PKIG: variants seen among roughly 807,000 people sequenced by gnomAD.
PKIG encodes the protein cAMP-dependent protein kinase inhibitor gamma, also known as protein kinase (cAMP-dependent, catalytic) inhibitor gamma.
A neutral mutation model predicts 6.8 loss-of-function variants in PKIG; 1 was observed. The observed-to-expected ratio is 0.15, with a 90% CI of 0.05 to 0.69. PKIG has a LOEUF of 0.69. PKIG is among the 30% of genes least tolerant of loss of function. PKIG has a pLI of 0.82. For missense variants in PKIG, 77 were observed against 104.0 expected (o/e 0.74, Z 1.13); for synonymous variants, 39 against 43.0 (o/e 0.91, Z 0.36).
At chr20:44,551,047 A>G (rs1205694522) in intron 1 of PKIG, among the ~76,000 whole-genome samples, 1 of 152,136 alleles carries the variant, frequency 6.6e-6, no homozygotes, top group African/African-American at 2.4e-5. Flanking sequence ...CTCCTTAAAT[A>G]CAAAACAAAG....
chr20:44,546,046 G>A lies in PKIG; in HGVS notation c.-241+14068G>A, dbSNP rs114307231. Among the ~76,000 whole-genome samples, 1,018 of 152,142 alleles carry A rather than the reference G, an allele frequency of 6.7e-3. 13 individuals carry two copies. Among genetic ancestry groups the A allele is most frequent in the East Asian group, 0.028 (144 of 5,170 alleles). ...GTGGATTACTTGAGTCCAGGAGTTC[G>A]AGACACAAGCCTGGGAAATACAGCA... On this transcript the variant is annotated intron_variant, in intron 1 of 4. Transcript: ENST00000372887.
At chr20:44,545,719 G>A (rs1213892705) in intron 1 of PKIG, among the ~76,000 whole-genome samples, 1 of 152,112 alleles carries the variant, frequency 6.6e-6, no homozygotes, top group Non-Finnish European at 1.5e-5. Context: ...GGAGGCTGAA[G>A]TGGGAGGATC....
At chr20:44,532,197 C>T (rs1174377606) in intron 1 of PKIG, among the ~76,000 whole-genome samples, 1 of 152,182 alleles carries the variant, frequency 6.6e-6, no homozygotes, top group Non-Finnish European at 1.5e-5. Context: ...ATATTTGTAG[C>T]CATTGGTCGA....
chr20:44,607,746 A>G (rs1214014475), intron 2 of PKIG, among the ~76,000 whole-genome samples: 1 of 144,244 alleles, frequency 6.9e-6, no homozygotes, highest in Non-Finnish European at 1.5e-5. Context: ...GTGCAGTGGC[A>G]CGATCTCGGC....
At chr20:44,609,404 G>A (rs971870159) in intron 2 of PKIG, among the ~76,000 whole-genome samples, 1 of 152,186 alleles carries the variant, frequency 6.6e-6, no homozygotes, top group Admixed American at 6.5e-5. Context: ...CAGGTCCTAG[G>A]ACAAGAACAC....
chr20:44,555,320 G>A (rs982244743), intron 1 of PKIG, among the ~76,000 whole-genome samples: 1 of 152,162 alleles, frequency 6.6e-6, no homozygotes, highest in Non-Finnish European at 1.5e-5. Flanking sequence ...GCTTAACAGT[G>A]TACTGTCAAA....
chr20:44,533,176 G>A (rs181949732), intron 1 of PKIG, among the ~76,000 whole-genome samples: 2 of 152,206 alleles, frequency 1.3e-5, no homozygotes, highest in Non-Finnish European at 2.9e-5. Context: ...ATATATATGT[G>A]TGTGTGTGAC....
chr20:44,534,140 A>G (rs763925448), intron 1 of PKIG, among the ~76,000 whole-genome samples: 4 of 152,164 alleles, frequency 2.6e-5, no homozygotes, highest in Admixed American at 2.0e-4. Context: ...TTTTTTGAGC[A>G]TGAGAGAGAT....
intron 1 of PKIG, among the ~76,000 whole-genome samples, chr20:44,569,293 AATTTAT>A (rs2064835190): frequency 6.6e-6 from 1 of 152,186 alleles, no homozygotes; most frequent in Non-Finnish European, 1.5e-5. Context: ...TCTCTCCTGA[AATTTAT>A]ATTTACATTA....
At chr20:44,556,105 C>T (rs6073478) in intron 1 of PKIG, among the ~76,000 whole-genome samples, 3 of 152,216 alleles carry the variant, frequency 2.0e-5, no homozygotes, top group Non-Finnish European at 2.9e-5. Flanking sequence ...TCCCAAAGTG[C>T]TGGGATTACA....
chr20:44,578,076 C>T (rs1191010469), upstream of PKIG, among the ~76,000 whole-genome samples: 1 of 151,576 alleles, frequency 6.6e-6, no homozygotes, highest in Non-Finnish European at 1.5e-5. Context: ...CATGGTGGCT[C>T]ATGCCTGTAA....
intron 2 of PKIG, among the ~76,000 whole-genome samples, chr20:44,601,302 A>G (rs2065119623): frequency 6.6e-6 from 1 of 152,180 alleles, no homozygotes; most frequent in African/African-American, 2.4e-5. Context: ...CTGCCTCCAA[A>G]CAAAGCCTCA....
In PKIG at chr20:44,614,648, A is replaced by G. The variant is rs1309621434; in HGVS notation, c.92A>G (p.Glu31Gly). Residue 31 changes from glutamate to glycine, a missense_variant, in exon 3 of 4, where the codon GAG becomes GGG. Physicochemically the swap from Glu to Gly is moderately conservative, Grantham distance 98. Coordinates refer to ENST00000372886, the MANE Select transcript of PKIG (RefSeq NM_001281445.2). This position sits in a 1 kb window ranked among gnomAD's most constrained non-coding sequence, Gnocchi z 4.6. ...GTCCCTGACATCCAGGGAGACTCAG[A>G]GGCTGTGAGCGTGAGGAAGCTGGCT... ...NAVPDIQGDSEAVSVRKLAGD... is the reference protein window; with the variant it reads ...NAVPDIQGDSGAVSVRKLAGD... 1 of 1,614,024 alleles carries G rather than the reference A, an allele frequency of 6.2e-7. No individual in the cohort carries two copies. Among genetic ancestry groups the G allele is most frequent in the East Asian group, 2.2e-5 (1 of 44,880 alleles).
At chr20:44,546,337 C>T (rs557305126) in intron 1 of PKIG, among the ~76,000 whole-genome samples, 2 of 152,200 alleles carry the variant, frequency 1.3e-5, no homozygotes, top group South Asian at 4.1e-4. Flanking sequence ...TTAATGATTC[C>T]TCTCTTTAAC....
intron 1 of PKIG, among the ~76,000 whole-genome samples, chr20:44,552,071 C>T (rs918235597): frequency 2.0e-5 from 3 of 152,316 alleles, no homozygotes; most frequent in Non-Finnish European, 4.4e-5. Context: ...TCTGTTTCTT[C>T]TAGCTTTATT....
intron 1 of PKIG, among the ~76,000 whole-genome samples, chr20:44,556,535 G>A (rs2064714927): frequency 6.6e-6 from 1 of 151,936 alleles, no homozygotes; most frequent in Non-Finnish European, 1.5e-5. Context: ...GCTAATTTTT[G>A]TATTTTTAGT....
chr20:44,582,371 T>C (rs967301408), upstream of PKIG, among the ~76,000 whole-genome samples: 9 of 151,946 alleles, frequency 5.9e-5, no homozygotes, highest in African/African-American at 2.2e-4. Context: ...AGGAAGGATA[T>C]TAGGCAAGCG....
intron 2 of PKIG, among the ~76,000 whole-genome samples, chr20:44,597,437 C>T (rs1285331732): frequency 6.6e-6 from 1 of 152,140 alleles, no homozygotes; most frequent in Admixed American, 6.5e-5. Flanking sequence ...GTTTTTGTAT[C>T]TGTGGTATCT....
intron 3 of PKIG, among the ~76,000 whole-genome samples, chr20:44,615,135 CA>C (rs572092586): frequency 1.3e-3 from 194 of 143,712 alleles, no homozygotes; most frequent in Middle Eastern, 3.6e-3. Flanking sequence ...ATGCTTCTGC[CA>C]AAAAAAAAAA....
Sources: allele counts gnomAD v4.1 joint callset (sites outside exome capture counted in the v4.1 genomes callset), GRCh38; gene constraint gnomAD v4.1.1; non-coding constraint Gnocchi (gnomAD v3.1); transcripts MANE v1.5; gene names NCBI Gene and HGNC (gene_info 2026-07-23, HGNC 2026-07-21).